SCLT1: variants seen among roughly 807,000 people sequenced by gnomAD.
The protein encoded by SCLT1 is sodium channel and clathrin linker 1, also known as sodium channel-associated protein 1.
A neutral mutation model predicts 112.8 loss-of-function variants in SCLT1; 78 were observed. The ratio of observed to expected loss-of-function variants is 0.69; its 90% CI spans 0.58 to 0.83. SCLT1 has a LOEUF of 0.83. Among genes scored for constraint, SCLT1 ranks in the 40% least tolerant of loss-of-function variants. SCLT1 has a pLI of 0.00. For missense variants in SCLT1, 747 were observed against 770.4 expected, an observed-to-expected ratio of 0.97 and a Z score of 0.36; for synonymous variants, 257 against 254.7, an observed-to-expected ratio of 1.01 and a Z score of -0.09.
At chr4:128,883,405 G>A (rs556531882), downstream of SCLT1, among the ~76,000 whole-genome samples, 41 of 151,966 alleles carry the variant, frequency 2.7e-4, no homozygotes, top group Non-Finnish European at 5.0e-4. Flanking sequence ...CGGGCCTGTC[G>A]AGGGGTGAAA....
intron 18 of SCLT1, among the ~76,000 whole-genome samples, chr4:128,898,730 C>T (rs567388886): frequency 1.5e-3 from 224 of 152,160 alleles, no homozygotes; most frequent in Non-Finnish European, 2.2e-3. Flanking sequence ...TCAATGAATC[C>T]GGGAGCTGGT....
rs190895218 is a variant in SCLT1 at position 128,953,145 on chromosome 4, A to C, written c.1147-305T>G. On this transcript the variant is annotated intron_variant, in intron 13 of 20. Coordinates refer to ENST00000281142, the MANE Select transcript of SCLT1 (RefSeq NM_144643.4). ...GTTCTATGAAAATCTACCATATTAG[A>C]AATGAAAACAGAAAATTTAAAGACA... Among the ~76,000 whole-genome samples, 732 of 152,316 alleles carry C rather than the reference A, an allele frequency of 4.8e-3. 6 individuals are homozygous for C. Among genetic ancestry groups the C allele is most frequent in the African/African-American group, 0.017 (695 of 41,574 alleles).
At chr4:129,068,864 A>T (rs1750730317) in intron 2 of SCLT1, among the ~76,000 whole-genome samples, 1 of 152,166 alleles carries the variant, frequency 6.6e-6, no homozygotes, top group Non-Finnish European at 1.5e-5. Context: ...AATGTCTAGA[A>T]GGGTTGTTCC....
rs545838983 is a variant in SCLT1, at chr4:128,983,435, G to C, written c.686+8732C>G. 2.5e-3 allele frequency among the ~76,000 whole-genome samples: 373 copies of C among 152,186 alleles called. 5 individuals are homozygous for C. Among genetic ancestry groups the C allele is most frequent in the Non-Finnish European group, 6.3e-4 (43 of 67,990 alleles). The stretch of plus-strand genomic sequence containing the variant: ...AGTTTAAATGAATAAATACTGAGTA[G>C]GTTCACAAGAATAAAAAAGTAAAAA... On this transcript the variant is annotated intron_variant, in intron 9 of 20. Transcript: ENST00000281142.
In SCLT1 at chr4:128,983,602, G is replaced by A. The variant is rs72922075; in HGVS notation, c.686+8565C>T. On this transcript the variant is annotated intron_variant, in intron 9 of 20. Transcript: ENST00000281142. ...GTTGTTCTGCGGGAAACAGCAATAT[G>A]ACTATTTTTCTGTATAACTGGAGGT... is the stretch of plus-strand genomic sequence containing the variant. 4.7e-3 allele frequency among the ~76,000 whole-genome samples: 717 copies of A among 152,254 alleles called. 3 individuals carry two copies. Among genetic ancestry groups the A allele is most frequent in the African/African-American group, 0.016 (657 of 41,560 alleles).
At chr4:129,029,535 A>G (rs542863745) in intron 5 of SCLT1, among the ~76,000 whole-genome samples, 10 of 125,352 alleles carry the variant, frequency 8.0e-5, no homozygotes, top group East Asian at 2.7e-4. Flanking sequence ...TGTGGGGTGG[A>G]GGGAGGGGGG....
chr4:129,024,270 C>T (rs138972933), intron 5 of SCLT1, among the ~76,000 whole-genome samples: 41,807 of 152,004 alleles, frequency 0.28, 6,049 homozygotes, highest in South Asian at 0.36. Flanking sequence ...ACCCCTGACC[C>T]CTGAGCAGCC....
intron 18 of SCLT1, among the ~76,000 whole-genome samples, chr4:128,904,786 G>T (rs1734568214): frequency 6.6e-6 from 1 of 152,102 alleles, no homozygotes; most frequent in Non-Finnish European, 1.5e-5. Flanking sequence ...CAAATGCAAA[G>T]ATTGTAATCT....
At chr4:128,886,055 T>C (rs556665790) in intron 20 of SCLT1, among the ~76,000 whole-genome samples, 1 of 152,222 alleles carries the variant, frequency 6.6e-6, no homozygotes. Context: ...TCACTGACTT[T>C]ATGACTTTTT....
In SCLT1 at chr4:128,925,901, G is replaced by C. The variant is rs930652509; in HGVS notation, c.1829+10754C>G. Among the ~76,000 whole-genome samples the C allele has an allele frequency of 7.3e-4, 111 of 151,498 alleles. 5 individuals carry two copies. The highest frequency in any genetic ancestry group is 2.0e-4 in the Admixed American group (3 of 15,200). Reference sequence around the variant, plus strand: ...ATTTTTCATCCACAGGTTTCCATTGGTTCCTTTTTTGCATCTTCCACTTCT... The same window carrying C: ...ATTTTTCATCCACAGGTTTCCATTGCTTCCTTTTTTGCATCTTCCACTTCT... On this transcript the variant is annotated intron_variant, in intron 18 of 20. Coordinates refer to ENST00000281142, the MANE Select transcript of SCLT1 (RefSeq NM_144643.4).
At chr4:129,007,198 G>C (rs1177085434) in intron 5 of SCLT1, among the ~76,000 whole-genome samples, 3 of 151,748 alleles carry the variant, frequency 2.0e-5, no homozygotes, top group Non-Finnish European at 4.4e-5. Flanking sequence ...CGTGTACTTA[G>C]AGAATGCATA....
Position 128,943,197 on chromosome 4 carries a change from A to G in SCLT1, c.1440-9T>C. ...ATATTTCTTCTGAGGAGCTGATTAAAAAACGAAATGAAAAGAATCCTTAAA... is the reference window on the plus strand; with the variant it reads ...ATATTTCTTCTGAGGAGCTGATTAAGAAACGAAATGAAAAGAATCCTTAAA... On this transcript the variant is annotated splice_polypyrimidine_tract_variant and intron_variant, in intron 16 of 20. Transcript: ENST00000281142. 1 of 1,582,788 alleles carries G rather than the reference A, an allele frequency of 6.3e-7. No homozygotes were observed. The highest frequency in any genetic ancestry group is 8.6e-7 in the Non-Finnish European group (1 of 1,161,902).
intron 9 of SCLT1, among the ~76,000 whole-genome samples, chr4:128,983,371 A>C (rs1741834822): frequency 6.6e-6 from 1 of 152,226 alleles, no homozygotes. Flanking sequence ...TAAATGTATA[A>C]GACAAAAAAA....
At position 128,919,929 on chromosome 4, in the gene SCLT1, C is replaced by T. The variant is rs1040413867; in HGVS notation, c.1829+16726G>A. Among the ~76,000 whole-genome samples, 7 of 151,992 alleles carry T rather than the reference C, an allele frequency of 4.6e-5. 2 individuals are homozygous for T. In the South Asian group the frequency reaches 1.5e-3, roughly 32 times the overall value. On this transcript the variant is annotated intron_variant, in intron 18 of 20. Coordinates refer to ENST00000281142, the MANE Select transcript of SCLT1 (RefSeq NM_144643.4). ...TAAAAGTCTATCAACCAGAAAAATC[C>T]CAGGGTCAGAAGGATTCACAGCCAA...
Position 128,891,143 on chromosome 4 carries a change from A to AT in SCLT1, c.1830-7_1830-6insA. On this transcript the variant is annotated splice_region_variant and splice_polypyrimidine_tract_variant and intron_variant, in intron 18 of 20. Coordinates refer to ENST00000281142, the MANE Select transcript of SCLT1 (RefSeq NM_144643.4). ...TCTGTCGACTCAGCTCACTCCTATT[A>AT]AGAGCACCAAAAAATCCATTAATAT... 6.2e-7 allele frequency: 1 copy of AT among 1,601,936 alleles called. No individual in the cohort carries two copies. The highest frequency in any genetic ancestry group is 8.5e-7 in the Non-Finnish European group (1 of 1,169,990).
downstream of SCLT1, among the ~76,000 whole-genome samples, chr4:128,879,444 A>G (rs1362042860): frequency 6.6e-6 from 1 of 152,182 alleles, no homozygotes; most frequent in Non-Finnish European, 1.5e-5. Flanking sequence ...AGGTGTCAAA[A>G]TTATAAATTC....
At chr4:128,985,518 G>A (rs1742014223) in intron 9 of SCLT1, among the ~76,000 whole-genome samples, 3 of 151,844 alleles carry the variant, frequency 2.0e-5, no homozygotes, top group Admixed American at 1.3e-4. Context: ...CCTAATTTTC[G>A]ATGAGTTAAT....
chr4:128,919,577 A>AT (rs1435366489), intron 18 of SCLT1, among the ~76,000 whole-genome samples: 1 of 152,128 alleles, frequency 6.6e-6, no homozygotes, highest in African/African-American at 2.4e-5. Flanking sequence ...ACTGAAGGAA[A>AT]TAGAGATGCA....
chr4:129,048,964 A>C (rs1332773933), intron 2 of SCLT1, among the ~76,000 whole-genome samples: 3 of 151,812 alleles, frequency 2.0e-5, no homozygotes, highest in Non-Finnish European at 4.4e-5. Flanking sequence ...GGCAATCATT[A>C]AAAAGCCAGG....
Sources: gnomAD v4.1 joint callset for allele counts (sites outside exome capture counted in the v4.1 genomes callset) on GRCh38, gnomAD v4.1.1 for gene constraint, MANE v1.5 for transcripts, NCBI Gene and HGNC (gene_info 2026-07-23, HGNC 2026-07-21) for gene names.